The following LARP1 variants were observed in gnomAD, a reference collection of about 807,000 sequenced individuals.
The protein encoded by LARP1 is La ribonucleoprotein 1, translational regulator.
In LARP1, 36 loss-of-function variants were observed where a neutral mutation model predicts 122.7. That is an observed-to-expected ratio of 0.29 (90% CI 0.22 to 0.39). The LOEUF (loss-of-function observed/expected upper bound fraction) is 0.39, where lower values mean the gene tolerates loss of function less well. LARP1 is among the 10% of genes least tolerant of loss of function. The probability of loss-of-function intolerance (pLI) is 1.00; values close to 1 mark genes in which losing one functional copy is unlikely to be tolerated. For synonymous variants in LARP1, 539 were observed against 528.7 expected, an observed-to-expected ratio of 1.02 and a Z score of -0.27; for missense variants, 1,040 against 1,403.6, an observed-to-expected ratio of 0.74 and a Z score of 4.14.
At position 154,803,483 on chromosome 5, in the gene LARP1, T is replaced by G; in HGVS notation, c.2234-57T>G. The G allele has an allele frequency of 6.2e-7, 1 of 1,613,948 alleles. No homozygotes were observed. The highest frequency in any genetic ancestry group is 8.5e-7 in the Non-Finnish European group (1 of 1,179,926). On this transcript the variant is annotated intron_variant, in intron 12 of 18. Coordinates refer to ENST00000518297, the MANE Select transcript of LARP1 (RefSeq NM_033551.3). This position sits in a 1 kb window ranked among gnomAD's most constrained non-coding sequence, Gnocchi z 4.4. ...AGGGCCCTTGGACTGGGGGCTATCC[T>G]GGGGTGGATGCCACAGGCCTTTCCC...
chr5:154,731,460 C>A lies in LARP1; in HGVS notation c.205+18330C>A, dbSNP rs1001951194. 7.9e-5 allele frequency among the ~76,000 whole-genome samples: 12 copies of A among 152,258 alleles called. No individual in the cohort carries two copies. The South Asian group carries it at 2.3e-3, about 29-fold the overall frequency. On this transcript the variant is annotated intron_variant, in intron 1 of 18. Coordinates refer to the LARP1 transcript ENST00000336314. ...GCCAATGCCTTCCTCTATTTATACA[C>A]CCCCTAGAGCAAAAACACATTCCAG...
Position 154,793,958 on chromosome 5 carries a change from G to A in LARP1, c.1027G>A (p.Gly343Arg). 1 of 1,612,216 alleles carries A rather than the reference G, an allele frequency of 6.2e-7. No individual in the cohort carries two copies. The highest frequency in any genetic ancestry group is 8.5e-7 in the Non-Finnish European group (1 of 1,178,672). The change falls in exon 6 of 19, where the codon GGG (glycine) becomes AGG (arginine). Residue 343 changes from glycine to arginine, a missense_variant. Around this residue, in one of 8 missense-constraint regions of LARP1, gnomAD observed 178 missense variants for 178.3 expected, o/e 1.00. Transcript: ENST00000518297. ...ARASFRGRGR[G>R]RGRGRGRGRG... ...GGCTTCCTTCCGTGGCCGTGGACGGGGGCGTGGTCGCGGCCGGGGACGCGG... is the reference window on the plus strand; with the variant it reads ...GGCTTCCTTCCGTGGCCGTGGACGGAGGCGTGGTCGCGGCCGGGGACGCGG...
At chr5:154,715,152 C>G (rs910237643) in intron 1 of LARP1, among the ~76,000 whole-genome samples, 2 of 151,432 alleles carry the variant, frequency 1.3e-5, no homozygotes, top group Admixed American at 6.6e-5. Context: ...TGCACTCCAG[C>G]CTGGGCGACA....
Position 154,794,653 on chromosome 5 carries a change from C to T in LARP1, c.1232+391C>T, listed in dbSNP as rs1027441781. Among the ~76,000 whole-genome samples the T allele has an allele frequency of 8.7e-4, 133 of 152,304 alleles. 1 individual carries two copies. Among genetic ancestry groups the T allele is most frequent in the African/African-American group, 2.9e-3 (120 of 41,568 alleles). On this transcript the variant is annotated intron_variant, in intron 7 of 18. Transcript: ENST00000518297. ...TCCTGCAGTTCTTATCTGTTGAATT[C>T]CTATGAGCTGAGTCTTTTAGCCCCA... is the stretch of plus-strand genomic sequence containing the variant.
chr5:154,777,469 A>C (rs1756008590), intron 1 of LARP1, among the ~76,000 whole-genome samples: 2 of 152,106 alleles, frequency 1.3e-5, no homozygotes, highest in South Asian at 4.1e-4. Context: ...TGCAGTGAGC[A>C]GAGATCACGC....
Position 154,748,977 on chromosome 5 carries a change from G to A in LARP1, c.205+35847G>A, listed in dbSNP as rs114314768. 1.8e-3 allele frequency among the ~76,000 whole-genome samples: 277 copies of A among 152,290 alleles called. 2 individuals carry two copies. Among genetic ancestry groups the A allele is most frequent in the African/African-American group, 6.3e-3 (263 of 41,562 alleles). The stretch of plus-strand genomic sequence containing the variant: ...CTATGTCTAGGGCCTAGCAGTATCT[G>A]GTGCATTGCAGATGCTCAATACATA... On this transcript the variant is annotated intron_variant, in intron 1 of 18. Coordinates refer to the LARP1 transcript ENST00000336314.
upstream of LARP1, among the ~76,000 whole-genome samples, chr5:154,712,565 C>T (rs1354656978): frequency 6.6e-6 from 1 of 152,212 alleles, no homozygotes; most frequent in Non-Finnish European, 1.5e-5. Context: ...AAGCACTTTG[C>T]AGAGTGTTTT....
rs892255794 is a variant in LARP1 at position 154,755,554 on chromosome 5, C to A, written c.-204C>A. The A allele has an allele frequency of 5.1e-6, 5 of 987,418 alleles. No individual in the cohort carries two copies. The highest frequency in any genetic ancestry group is 1.7e-5 in the African/African-American group (1 of 57,236). 61.2% of individuals were successfully genotyped at this position (987,418 alleles called of 1,614,324 possible). ...GCAGAGTGGGGGGCCTTCCTCCCCC[C>A]CCGCCCCGCTAGTGGGCCTCGGATT... On this transcript the variant is annotated 5_prime_UTR_variant, in exon 1 of 19. Coordinates refer to ENST00000518297, the MANE Select transcript of LARP1 (RefSeq NM_033551.3).
chr5:154,811,004 C>T (rs754172654), intron 16 of LARP1, among the ~76,000 whole-genome samples: 3 of 152,154 alleles, frequency 2.0e-5, no homozygotes, highest in Non-Finnish European at 4.4e-5. Flanking sequence ...ATAGATACTT[C>T]ATAAAAGAAT....
Position 154,694,328 on chromosome 5 carries a change from C to G in LARP1, c.-180+11291C>G, listed in dbSNP as rs183363139. 2.7e-3 allele frequency among the ~76,000 whole-genome samples: 413 copies of G among 152,274 alleles called. 1 individual carries two copies. The highest frequency in any genetic ancestry group is 4.2e-3 in the Non-Finnish European group (288 of 68,014). On this transcript the variant is annotated intron_variant, in intron 1 of 18. Coordinates refer to the LARP1 transcript ENST00000687700. ...CCGAAGTGCAGTGGTGTGATCCTAG[C>G]TCACTGCAAGCTCAAATTCCTAGAC...
chr5:154,692,902 A>G (rs769145539), intron 1 of LARP1, among the ~76,000 whole-genome samples: 2 of 152,102 alleles, frequency 1.3e-5, no homozygotes, highest in African/African-American at 4.8e-5. Context: ...ATGTGTGTGT[A>G]TATGTATATT....
chr5:154,704,977 G>T (rs1441550929), intron 1 of LARP1, among the ~76,000 whole-genome samples: 1 of 151,924 alleles, frequency 6.6e-6, no homozygotes, highest in East Asian at 1.9e-4. Context: ...AATTAGCTGG[G>T]CCTGGTGGCA....
At chr5:154,734,128 T>C (rs1273989643) in intron 1 of LARP1, among the ~76,000 whole-genome samples, 1 of 151,574 alleles carries the variant, frequency 6.6e-6, no homozygotes, top group Non-Finnish European at 1.5e-5. Flanking sequence ...GATCACGCTA[T>C]TGTACTCCAG....
chr5:154,811,392 C>A lies in LARP1; in HGVS notation c.2953+36C>A. On this transcript the variant is annotated intron_variant, in intron 17 of 18. Coordinates refer to ENST00000518297, the MANE Select transcript of LARP1 (RefSeq NM_033551.3). ...GAGTTGGATCTGAGTGAGGCCTGGT[C>A]ATGTAGGCCTCCTCTTCCCCAGTTG... The A allele has an allele frequency of 1.9e-6, 3 of 1,598,502 alleles. No individual in the cohort carries two copies. In the South Asian group the frequency reaches 3.3e-5, roughly 18 times the overall value.
At chr5:154,712,892 G>C (rs1175880877) in exon 1 of LARP1, 1 of 1,598,522 alleles carries the variant, frequency 6.3e-7, no homozygotes, top group East Asian at 2.2e-5. Context: ...AAACCCTCCA[G>C]GGCCACATAG....
chr5:154,797,010 A>G (rs1474163555), intron 8 of LARP1, among the ~76,000 whole-genome samples: 1 of 152,112 alleles, frequency 6.6e-6, no homozygotes, highest in Non-Finnish European at 1.5e-5. Flanking sequence ...ACCTTTGGTC[A>G]GTGGGACCCT....
chr5:154,730,916 G>A (rs959327754), intron 1 of LARP1, among the ~76,000 whole-genome samples: 10 of 142,046 alleles, frequency 7.0e-5, no homozygotes, highest in African/African-American at 2.4e-4. Context: ...TGCCCAAGCT[G>A]GAGTGCAGTG....
intron 8 of LARP1, among the ~76,000 whole-genome samples, chr5:154,797,254 A>T (rs1757958651): frequency 1.2e-5 from 1 of 85,842 alleles, no homozygotes; most frequent in Admixed American, 1.7e-4. Context: ...TTTTTTTGAG[A>T]CAGAGTTTCA....
intron 1 of LARP1, 139 bp from the exon 2 acceptor site, chr5:154,790,186 T>G (rs929383501): frequency 1.6e-6 from 1 of 629,914 alleles, no homozygotes; most frequent in Admixed American, 2.9e-5. Flanking sequence ...CACGTGTCTT[T>G]CCCCTCTCTA....
Sources: gnomAD v4.1 joint callset for allele counts (sites outside exome capture counted in the v4.1 genomes callset) on GRCh38, gnomAD v4.1.1 for gene constraint, gnomAD v4.1.1 regional missense constraint, Gnocchi (gnomAD v3.1) non-coding constraint, MANE v1.5 for transcripts, NCBI Gene and HGNC (gene_info 2026-07-23, HGNC 2026-07-21) for gene names.